CSMD1: variants seen among roughly 807,000 people sequenced by gnomAD.
CSMD1 encodes CUB and sushi domain-containing protein 1.
Under a neutral mutation model 417.5 loss-of-function variants are expected in CSMD1, and 213 were observed. The ratio of observed to expected loss-of-function variants is 0.51; its 90% CI spans 0.46 to 0.57. The LOEUF is 0.57. Ranked by LOEUF, CSMD1 falls within the 20% of genes least tolerant of loss-of-function variation. CSMD1 has a pLI of 0.00. For synonymous variants in CSMD1, 2,862 were observed against 1,736.8 expected, an observed-to-expected ratio of 1.65 and a Z score of -16.11; for missense variants, 6,923 against 4,529.7, an observed-to-expected ratio of 1.53 and a Z score of -15.17.
Position 3,495,629 on chromosome 8 carries a change from G to A in CSMD1, c.1345-1903C>T, listed in dbSNP as rs569739478. On this transcript the variant is annotated intron_variant, in intron 10 of 69. Coordinates refer to ENST00000635120, the MANE Select transcript of CSMD1 (RefSeq NM_033225.6). ...CTTGGTCTTGCATAGACAGCTTTTA[G>A]TTTGTCATATGGCATTTTACAAATA... Among the ~76,000 whole-genome samples, 187 of 152,268 alleles carry A rather than the reference G, an allele frequency of 1.2e-3. 1 individual carries two copies. Among genetic ancestry groups the A allele is most frequent in the African/African-American group, 4.3e-3 (178 of 41,548 alleles).
At chr8:3,038,794 T>A (rs78621445) in intron 50 of CSMD1, among the ~76,000 whole-genome samples, 1 of 152,174 alleles carries the variant, frequency 6.6e-6, no homozygotes, top group East Asian at 1.9e-4. Flanking sequence ...CAAGCGTAAT[T>A]TGTTGATTAT....
chr8:3,774,828 G>C (rs941964682), intron 5 of CSMD1, among the ~76,000 whole-genome samples: 7 of 152,006 alleles, frequency 4.6e-5, no homozygotes, highest in African/African-American at 1.7e-4. Flanking sequence ...CATTCTCAAG[G>C]GATACATTCC....
At chr8:3,631,934 C>T (rs992857334) in intron 7 of CSMD1, among the ~76,000 whole-genome samples, 1 of 152,170 alleles carries the variant, frequency 6.6e-6, no homozygotes, top group African/African-American at 2.4e-5. Flanking sequence ...ATCACTGCCT[C>T]TTTGTATGTT....
intron 3 of CSMD1, among the ~76,000 whole-genome samples, chr8:4,285,494 T>C (rs527398873): frequency 4.1e-4 from 62 of 152,284 alleles, no homozygotes; most frequent in African/African-American, 1.4e-3. Flanking sequence ...CTTTTCCAAA[T>C]ATAAAGAGGA....
intron 27 of CSMD1, 57 bp from the exon 28 acceptor site, chr8:3,223,924 G>T: frequency 6.3e-7 from 1 of 1,577,916 alleles, no homozygotes; most frequent in Non-Finnish European, 8.7e-7. Context: ...ACGCCTGCCA[G>T]TCAGTGTGGA....
chr8:3,961,225 T>C (rs1812299682), intron 5 of CSMD1, among the ~76,000 whole-genome samples: 1 of 152,170 alleles, frequency 6.6e-6, no homozygotes, highest in East Asian at 1.9e-4. Flanking sequence ...AGATTTTCTT[T>C]ACCAAGTAAG....
chr8:4,298,467 G>A (rs1287248392), intron 3 of CSMD1, among the ~76,000 whole-genome samples: 1 of 152,118 alleles, frequency 6.6e-6, no homozygotes, highest in African/African-American at 2.4e-5. Context: ...ATTACTTAGT[G>A]AGTACAATGT....
intron 1 of CSMD1, among the ~76,000 whole-genome samples, chr8:4,696,685 G>T (rs183228503): frequency 6.6e-6 from 1 of 152,110 alleles, no homozygotes; most frequent in Non-Finnish European, 1.5e-5. Flanking sequence ...CCACAGAGAA[G>T]GTATGACCCA....
At chr8:4,118,157 A>G (rs970844154) in intron 3 of CSMD1, among the ~76,000 whole-genome samples, 1 of 152,178 alleles carries the variant, frequency 6.6e-6, no homozygotes, top group Middle Eastern at 3.4e-3. Context: ...TCTCAGTGGG[A>G]GCAGAGGGGT....
rs776928029 is a variant in CSMD1, at chr8:2,966,602, C to G, written c.9068G>C (p.Gly3023Ala). 2 of 1,613,612 alleles carry G rather than the reference C, an allele frequency of 1.2e-6. No individual in the cohort carries two copies. The highest frequency in any genetic ancestry group is 8.5e-7 in the Non-Finnish European group (1 of 1,179,790). The part of the protein sequence containing the change: ...GLMTRHCTAN[G>A]TWTGTAPDCT... ...GTCGGGAGCAGTGCCTGTCCAGGTC[C>G]CATTGGCTGTGCAATGCCGTGTCAT... The change falls in exon 58 of 70, where the codon GGG (glycine) becomes GCG (alanine). Residue 3023 changes from glycine to alanine, a missense_variant. Physicochemically the swap from Gly to Ala is moderately conservative, Grantham distance 60. Coordinates refer to ENST00000635120, the MANE Select transcript of CSMD1 (RefSeq NM_033225.6).
At chr8:4,860,933 T>C (rs1802094611) in intron 1 of CSMD1, among the ~76,000 whole-genome samples, 1 of 152,072 alleles carries the variant, frequency 6.6e-6, no homozygotes, top group African/African-American at 2.4e-5. Flanking sequence ...TCCCTCAAAC[T>C]TCAGCTCTGA....
intron 8 of CSMD1, among the ~76,000 whole-genome samples, chr8:3,600,277 T>A (rs766750189): frequency 3.3e-5 from 5 of 152,210 alleles, no homozygotes; most frequent in Non-Finnish European, 7.3e-5. Flanking sequence ...AAATTCCTCA[T>A]AAAATTTAGA....
At chr8:3,187,443 G>C (rs1459818125) in intron 36 of CSMD1, among the ~76,000 whole-genome samples, 1 of 152,120 alleles carries the variant, frequency 6.6e-6, no homozygotes, top group Non-Finnish European at 1.5e-5. Flanking sequence ...TTCGTGCCTG[G>C]CTACATATGA....
rs565145981 is a variant in CSMD1, at chr8:3,632,037, A to T, written c.1010-15240T>A. On this transcript the variant is annotated intron_variant, in intron 7 of 69. Coordinates refer to ENST00000635120, the MANE Select transcript of CSMD1 (RefSeq NM_033225.6). ...TAGGTTAACTCATCATTCAATCAGC[A>T]TTATTTACATAAGAAAGTAATTGTT... Among the ~76,000 whole-genome samples, 4 of 152,356 alleles carry T rather than the reference A, an allele frequency of 2.6e-5. 1 individual carries two copies. In the South Asian group the frequency reaches 6.2e-4, roughly 24 times the overall value.
intron 1 of CSMD1, among the ~76,000 whole-genome samples, chr8:4,704,944 T>C (rs1807824946): frequency 6.6e-6 from 1 of 152,156 alleles, no homozygotes; most frequent in Non-Finnish European, 1.5e-5. Context: ...GGTAGTATGG[T>C]TTGGCTCTGT....
intron 1 of CSMD1, among the ~76,000 whole-genome samples, chr8:4,980,018 C>G (rs1266260925): frequency 6.6e-6 from 1 of 152,172 alleles, no homozygotes; most frequent in African/African-American, 2.4e-5. Flanking sequence ...GCCTGGGCGA[C>G]AGAGTGAGAC....
At chr8:4,615,389 A>C (rs1801417404) in intron 2 of CSMD1, among the ~76,000 whole-genome samples, 1 of 152,210 alleles carries the variant, frequency 6.6e-6, no homozygotes, top group Non-Finnish European at 1.5e-5. Flanking sequence ...CATATGGAGA[A>C]ATTGTGAAAG....
intron 12 of CSMD1, among the ~76,000 whole-genome samples, chr8:3,454,043 A>G (rs1815937352): frequency 1.3e-5 from 2 of 152,120 alleles, no homozygotes; most frequent in Admixed American, 6.6e-5. Context: ...TTCTTGTTGA[A>G]TTGATCCCTT....
chr8:4,202,351 C>T (rs1028021446), intron 3 of CSMD1, among the ~76,000 whole-genome samples: 2 of 152,106 alleles, frequency 1.3e-5, no homozygotes, highest in African/African-American at 4.8e-5. Flanking sequence ...ATTTTAATGT[C>T]TTCATGTATC....
Sources: gnomAD v4.1 joint callset for allele counts (sites outside exome capture counted in the v4.1 genomes callset) on GRCh38, gnomAD v4.1.1 for gene constraint, MANE v1.5 for transcripts, NCBI Gene and HGNC (gene_info 2026-07-23, HGNC 2026-07-21) for gene names.